The following PRSS48 variants were observed in gnomAD, a reference collection of about 807,000 sequenced individuals.
The protein encoded by PRSS48 is serine protease 48.
Under a neutral mutation model 25.6 loss-of-function variants are expected in PRSS48, and 21 were observed. The observed-to-expected ratio is 0.82, with a 90% confidence interval of 0.58 to 1.18. The LOEUF is 1.18. Among genes scored for constraint, PRSS48 ranks in the 50% most tolerant of loss-of-function variants. The pLI, the probability that PRSS48 is intolerant of heterozygous loss-of-function variation, is 0.00. For missense variants in PRSS48, 373 were observed against 399.3 expected, an observed-to-expected ratio of 0.93 and a Z score of 0.56; for synonymous variants, 150 against 149.3, an observed-to-expected ratio of 1.00 and a Z score of -0.04.
intron 4 of PRSS48, among the ~76,000 whole-genome samples, chr4:151,287,510 CTATATATACCGGA>C: frequency 6.6e-6 from 1 of 152,022 alleles, no homozygotes; most frequent in Non-Finnish European, 1.5e-5. Flanking sequence ...ATAAAAAGGA[CTATATATACCGGA>C]ATGCCGATTT....
At chr4:151,281,849 A>C (rs546451820) in intron 2 of PRSS48, among the ~76,000 whole-genome samples, 1 of 152,284 alleles carries the variant, frequency 6.6e-6, no homozygotes, top group East Asian at 1.9e-4. Flanking sequence ...TTAAGCATAC[A>C]GGTGATGGCT....
At chr4:151,284,216 T>C (rs114494799) in intron 4 of PRSS48, among the ~76,000 whole-genome samples, 3,477 of 152,310 alleles carry the variant, frequency 0.023, 56 homozygotes, top group Middle Eastern at 0.065. Flanking sequence ...ATAAACTTGT[T>C]AAGTTATACC....
exon 5 of PRSS48, chr4:151,291,173 G>T (rs758386774): frequency 6.2e-7 from 1 of 1,613,804 alleles, no homozygotes; most frequent in African/African-American, 1.3e-5. Context: ...ATCCAGACAG[G>T]AGTAGTAAGC....
At chr4:151,291,308 T>C in exon 5 of PRSS48, 1 of 1,614,008 alleles carries the variant, frequency 6.2e-7, no homozygotes, top group Non-Finnish European at 8.5e-7. Context: ...TTGTTCCCTA[T>C]TGTCCTACTC....
intron 4 of PRSS48, among the ~76,000 whole-genome samples, chr4:151,286,004 T>C (rs2150012893): frequency 6.7e-6 from 1 of 149,484 alleles, no homozygotes; most frequent in Non-Finnish European, 1.5e-5. Context: ...GAGACCAGCC[T>C]GAGCAATACA....
chr4:151,287,845 A>C (rs1440829207), intron 4 of PRSS48, among the ~76,000 whole-genome samples: 1 of 152,220 alleles, frequency 6.6e-6, no homozygotes, highest in Non-Finnish European at 1.5e-5. Flanking sequence ...GTGCCACCAC[A>C]TTCCAGCCTG....
In PRSS48 at chr4:151,283,299, T is replaced by G; in HGVS notation, c.651+13T>G. ...GGATAGTTGCAAGGTCAGGGTTTGC[T>G]CTAGAGAATTTTTTTTTAAACATGA... On this transcript the variant is annotated intron_variant, in intron 4 of 4. Transcript: ENST00000455694. 6.2e-7 allele frequency: 1 copy of G among 1,608,190 alleles called. No individual in the cohort carries two copies. The highest frequency in any genetic ancestry group is 2.2e-5 in the East Asian group (1 of 44,796).
intron 1 of PRSS48, among the ~76,000 whole-genome samples, chr4:151,279,472 A>G (rs1057142176): frequency 6.6e-6 from 1 of 152,252 alleles, no homozygotes; most frequent in East Asian, 1.9e-4. Context: ...CTTTAACACC[A>G]ATCTGGAAAA....
exon 4 of PRSS48, chr4:151,283,254 G>T (rs753141896): frequency 6.2e-7 from 1 of 1,613,660 alleles, no homozygotes; most frequent in Non-Finnish European, 8.5e-7. Flanking sequence ...GATTTGTGCT[G>T]GTGATACTCA....
chr4:151,279,950 C>A lies in PRSS48; in HGVS notation c.207C>A (p.Cys69Ter), dbSNP rs1458724894. 1.3e-6 allele frequency: 2 copies of A among 1,576,890 alleles called. No homozygotes were observed. Among genetic ancestry groups the A allele is most frequent in the African/African-American group, 2.8e-5 (2 of 72,208 alleles). Residue 69 changes from cysteine (C) to a stop codon, truncating the protein, a stop_gained, in exon 2 of 5, where the codon TGC becomes TGA. Coordinates refer to ENST00000455694, the Ensembl canonical transcript of PRSS48. LOFTEE classifies it high-confidence loss of function. The stretch of plus-strand genomic sequence containing the variant: ...GGTTGATACTGACAGCAGCACACTG[C>A]ATACAACCGTGAGTTCTAGCTGGCA...
exon 4 of PRSS48, chr4:151,283,216 C>A (rs1170457511): frequency 6.2e-7 from 1 of 1,613,756 alleles, no homozygotes; most frequent in Non-Finnish European, 8.5e-7. Context: ...TTCTTGCCAG[C>A]ACTGGAGCCA....
At chr4:151,286,875 G>T (rs1278069916) in intron 4 of PRSS48, among the ~76,000 whole-genome samples, 1 of 151,754 alleles carries the variant, frequency 6.6e-6, no homozygotes, top group Non-Finnish European at 1.5e-5. Context: ...AGCTACTCGG[G>T]AGGCTGAGGC....
At chr4:151,290,985 G>C (rs1463882763) in intron 4 of PRSS48, 133 bp from the exon 5 acceptor site, 1 of 634,998 alleles carries the variant, frequency 1.6e-6, no homozygotes, top group Non-Finnish European at 2.7e-6. Flanking sequence ...GCAGTGATTA[G>C]TCCAGCCCCC....
intron 4 of PRSS48, among the ~76,000 whole-genome samples, chr4:151,289,079 C>T (rs1384654078): frequency 6.6e-6 from 1 of 152,108 alleles, no homozygotes; most frequent in Non-Finnish European, 1.5e-5. Flanking sequence ...AGAAATAAAC[C>T]CTTATATTTA....
At chr4:151,277,174 T>C (rs780186394) in exon 1 of PRSS48, 1 of 1,481,944 alleles carries the variant, frequency 6.7e-7, no homozygotes, top group Non-Finnish European at 9.1e-7. Flanking sequence ...GACAGAGACA[T>C]GGGCCCTGCT....
chr4:151,279,782 T>C lies in PRSS48; in HGVS notation c.53-14T>C. On this transcript the variant is annotated splice_polypyrimidine_tract_variant and intron_variant, in intron 1 of 4. Transcript: ENST00000455694. ...TCCTAGGTTTCCACATTTCCCTTTC[T>C]TCTCTTTCTCTAGTGTGTGGGCAAC... The C allele has an allele frequency of 6.2e-7, 1 of 1,613,058 alleles. No individual in the cohort carries two copies. Among genetic ancestry groups the C allele is most frequent in the Non-Finnish European group, 8.5e-7 (1 of 1,179,336 alleles).
At chr4:151,278,502 GA>G (rs975921199) in intron 1 of PRSS48, among the ~76,000 whole-genome samples, 3 of 151,974 alleles carry the variant, frequency 2.0e-5, no homozygotes, top group Non-Finnish European at 4.4e-5. Context: ...TGAAAAGTAA[GA>G]AAAGTCTCTA....
intron 4 of PRSS48, among the ~76,000 whole-genome samples, chr4:151,283,817 T>G (rs1774483320): frequency 6.6e-6 from 1 of 152,152 alleles, no homozygotes; most frequent in Non-Finnish European, 1.5e-5. Flanking sequence ...TTCATAAGTA[T>G]ATTATGAGGT....
intron 2 of PRSS48, among the ~76,000 whole-genome samples, chr4:151,280,881 T>C (rs994595283): frequency 6.6e-6 from 1 of 152,172 alleles, no homozygotes; most frequent in Non-Finnish European, 1.5e-5. Flanking sequence ...CTTAGAATTC[T>C]ACCCATATGC....
Sources: gnomAD v4.1 joint callset for allele counts (sites outside exome capture counted in the v4.1 genomes callset) on GRCh38, gnomAD v4.1.1 for gene constraint, MANE v1.5 for transcripts, NCBI Gene and HGNC (gene_info 2026-07-23, HGNC 2026-07-21) for gene names.